Variants in ANO1 observed in about 807,000 individuals in gnomAD.
The protein encoded by ANO1 is anoctamin 1, also known as anoctamin-1.
A neutral mutation model predicts 124.0 loss-of-function variants in ANO1; 59 were observed. The ratio of observed to expected loss-of-function variants is 0.48; its 90% confidence interval spans 0.39 to 0.59. The LOEUF (loss-of-function observed/expected upper bound fraction) is 0.59, where lower values mean the gene tolerates loss of function less well. ANO1 is among the 20% of genes least tolerant of loss of function. ANO1 has a pLI of 0.00. For synonymous variants in ANO1, 529 were observed against 532.0 expected (o/e 0.99, Z 0.08); for missense variants, 1,059 against 1,328.0 (o/e 0.80, Z 3.15).
chr11:70,023,711 G>C (rs12420676), intron 1 of ANO1, among the ~76,000 whole-genome samples: 76,251 of 152,002 alleles, frequency 0.5, 19,437 homozygotes, highest in Admixed American at 0.54. Context: ...TAAACCATCA[G>C]TAGATGGTTA....
At chr11:70,183,476 G>T (rs1174756315) in intron 24 of ANO1, among the ~76,000 whole-genome samples, 3 of 152,210 alleles carry the variant, frequency 2.0e-5, no homozygotes, top group African/African-American at 7.2e-5. Flanking sequence ...CCTTGGCTTG[G>T]CCTGGGTCAT....
chr11:70,067,517 G>A (rs1158730013), intron 1 of ANO1, among the ~76,000 whole-genome samples: 1 of 152,086 alleles, frequency 6.6e-6, no homozygotes, highest in Non-Finnish European at 1.5e-5. Flanking sequence ...TAGTAGAGAT[G>A]GGGTTTCACC....
At position 70,087,924 on chromosome 11, in the gene ANO1, G is replaced by C; in HGVS notation, c.281G>C (p.Ser94Thr). 1.9e-6 allele frequency: 3 copies of C among 1,608,422 alleles called. No homozygotes were observed. Among genetic ancestry groups the C allele is most frequent in the Non-Finnish European group, 2.5e-6 (3 of 1,177,744 alleles). Residue 94 changes from serine to threonine, a missense_variant, in exon 2 of 26, where the codon AGC becomes ACC. This residue lies in a region of ANO1 where 250 missense variants were observed against 233.1 expected (regional missense o/e 1.07). Coordinates refer to ENST00000355303, the MANE Select transcript of ANO1 (RefSeq NM_018043.7). ...QHSDTPSGAR[S>T]VKQDHPLPGK... Reference sequence around the variant, plus strand: ...AGCGACACCCCCTCTGGGGCTCGCAGCGTCAAGCAGGACCACCCCCTGCCG... The same window carrying C: ...AGCGACACCCCCTCTGGGGCTCGCACCGTCAAGCAGGACCACCCCCTGCCG...
chr11:70,161,506 T>C, intron 17 of ANO1, 116 bp from the exon 18 acceptor site: 1 of 1,382,264 alleles, frequency 7.2e-7, no homozygotes. Context: ...GCACAGGCCA[T>C]GGTGCGCCTA....
At chr11:70,170,833 C>A in intron 21 of ANO1, 54 bp from the exon 22 acceptor site, 1 of 1,564,616 alleles carries the variant, frequency 6.4e-7, no homozygotes, top group Non-Finnish European at 8.7e-7. Context: ...GTGGAGTCCC[C>A]CCTTATGGGC....
upstream of ANO1, among the ~76,000 whole-genome samples, chr11:70,074,599 C>T (rs1357645449): frequency 3.9e-5 from 6 of 152,002 alleles, no homozygotes; most frequent in African/African-American, 1.5e-4. Context: ...ATAAAGCTGG[C>T]CCCCCCAGGT....
At chr11:70,161,929 C>T (rs561624144) in intron 18 of ANO1, among the ~76,000 whole-genome samples, 196 bp downstream of exon 18, 9 of 152,254 alleles carry the variant, frequency 5.9e-5, no homozygotes, top group African/African-American at 2.2e-4. Flanking sequence ...GCAGGGAGTC[C>T]AGGTGGCAGG....
chr11:70,000,080 C>A (rs1206924458), intron 1 of ANO1, among the ~76,000 whole-genome samples: 1 of 152,130 alleles, frequency 6.6e-6, no homozygotes, highest in Non-Finnish European at 1.5e-5. Context: ...CAGGGGAATT[C>A]CCATAAGAAA....
At chr11:70,071,289 A>G (rs1857868713) in intron 1 of ANO1, among the ~76,000 whole-genome samples, 1 of 152,246 alleles carries the variant, frequency 6.6e-6, no homozygotes, top group African/African-American at 2.4e-5. Context: ...AAAGGGTCCA[A>G]TATGAGCCCA....
chr11:70,089,545 C>T (rs2044536720), intron 2 of ANO1, among the ~76,000 whole-genome samples: 2 of 152,196 alleles, frequency 1.3e-5, no homozygotes, highest in South Asian at 4.1e-4. Context: ...CTCCTTTCAC[C>T]TTCCTGAGGT....
intron 6 of ANO1, among the ~76,000 whole-genome samples, chr11:70,109,358 C>G (rs893392587): frequency 6.6e-6 from 1 of 152,210 alleles, no homozygotes; most frequent in Non-Finnish European, 1.5e-5. Context: ...GAAGACGAAC[C>G]CTCGACAGCT....
intron 8 of ANO1, 96 bp from the exon 9 acceptor site, chr11:70,124,254 T>C (rs1273625108): frequency 2.7e-6 from 3 of 1,120,452 alleles, no homozygotes; most frequent in South Asian, 1.3e-5. Flanking sequence ...GATGAATGAA[T>C]GATGTCACGG....
intron 11 of ANO1, among the ~76,000 whole-genome samples, chr11:70,149,334 C>G (rs7102771): frequency 0.016 from 2,419 of 152,222 alleles, 75 homozygotes; most frequent in African/African-American, 0.052. Context: ...ATGTCACCCT[C>G]TCTCACCAAA....
intron 21 of ANO1, among the ~76,000 whole-genome samples, chr11:70,169,066 G>C (rs1430292259): frequency 1.3e-5 from 2 of 152,212 alleles, no homozygotes; most frequent in African/African-American, 4.8e-5. Flanking sequence ...GGGTCTGGGA[G>C]GTGGCTTCCC....
chr11:70,111,283 C>T (rs1375992582), intron 6 of ANO1: 2 of 465,070 alleles, frequency 4.3e-6, no homozygotes, highest in Admixed American at 4.8e-5. Context: ...TTTTTCCATC[C>T]GTATATTTCC....
At chr11:70,169,125 C>A (rs921145629) in intron 21 of ANO1, among the ~76,000 whole-genome samples, 1 of 152,196 alleles carries the variant, frequency 6.6e-6, no homozygotes, top group African/African-American at 2.4e-5. Context: ...GAGAATAGAG[C>A]CCAAGACACG....
At chr11:70,074,779 C>G (rs1232538425), upstream of ANO1, among the ~76,000 whole-genome samples, 3 of 152,186 alleles carry the variant, frequency 2.0e-5, no homozygotes, top group Non-Finnish European at 4.4e-5. Flanking sequence ...GGGTAGAGGT[C>G]ACCAGGGTGC....
chr11:70,017,438 CT>C (rs1856721371), intron 1 of ANO1, among the ~76,000 whole-genome samples: 2 of 150,904 alleles, frequency 1.3e-5, no homozygotes, highest in Admixed American at 1.3e-4. Context: ...TCCTTCCTTC[CT>C]TCCTTCATTC....
rs1308943786 is a variant in ANO1 at position 70,126,203 on chromosome 11, G to T, written c.1097+8G>T. ...GGATGAAAACATCCCCAGGTAGGCG[G>T]CAGCCCACCCCCACCACCCCGCAGT... On this transcript the variant is annotated splice_region_variant and intron_variant, in intron 10 of 25. Coordinates refer to ENST00000355303, the MANE Select transcript of ANO1 (RefSeq NM_018043.7). 1 of 1,609,386 alleles carries T rather than the reference G, an allele frequency of 6.2e-7. No individual in the cohort carries two copies. Among genetic ancestry groups the T allele is most frequent in the South Asian group, 1.1e-5 (1 of 90,064 alleles).
Sources: allele counts gnomAD v4.1 joint callset (sites outside exome capture counted in the v4.1 genomes callset), GRCh38; gene constraint gnomAD v4.1.1; regional missense constraint gnomAD v4.1.1; transcripts MANE v1.5; gene names NCBI Gene and HGNC (gene_info 2026-07-23, HGNC 2026-07-21).